The following FSTL4 variants were observed in gnomAD, a reference collection of about 807,000 sequenced individuals.
The protein encoded by FSTL4 is follistatin like 4.
FSTL4 carries 28 observed loss-of-function variants against 78.2 expected under a neutral mutation model. That is an observed-to-expected ratio of 0.36 (90% CI 0.27 to 0.49). The LOEUF (loss-of-function observed/expected upper bound fraction) is 0.49, where lower values mean the gene tolerates loss of function less well. Ranked by LOEUF, FSTL4 falls within the 20% of genes least tolerant of loss-of-function variation. The pLI is 0.98. For missense variants in FSTL4, 922 were observed against 1,084.9 expected (o/e 0.85, Z 2.11); for synonymous variants, 422 against 440.5 (o/e 0.96, Z 0.53).
chr5:133,703,943 A>G, the FSTL4 span, among the ~76,000 whole-genome samples: 2 of 152,160 alleles, frequency 1.3e-5, no homozygotes, highest in Non-Finnish European at 2.9e-5. Flanking sequence ...TTGATTTTCC[A>G]TTGAGAGGCA....
At chr5:133,322,688 G>C (rs1177244359) in intron 4 of FSTL4, among the ~76,000 whole-genome samples, 2 of 152,206 alleles carry the variant, frequency 1.3e-5, no homozygotes, top group Non-Finnish European at 2.9e-5. Context: ...TATTAGCTGA[G>C]GTTGCTCTTG....
intron 3 of FSTL4, among the ~76,000 whole-genome samples, chr5:133,561,855 G>A (rs1161208399): frequency 6.6e-6 from 1 of 152,158 alleles, no homozygotes; most frequent in Non-Finnish European, 1.5e-5. Context: ...TACTTAAGCA[G>A]GACACATCGG....
At chr5:133,494,599 T>G (rs577448610) in intron 3 of FSTL4, among the ~76,000 whole-genome samples, 1 of 152,238 alleles carries the variant, frequency 6.6e-6, no homozygotes, top group African/African-American at 2.4e-5. Flanking sequence ...GTTCAACAAC[T>G]GCGTCTTTTG....
intron 3 of FSTL4, among the ~76,000 whole-genome samples, chr5:133,471,049 G>GGTCCT (rs1319253640): frequency 1.8e-3 from 274 of 151,250 alleles, no homozygotes; most frequent in African/African-American, 6.5e-3. Context: ...AAGGATATAT[G>GGTCCT]TCTTTAGGCT....
Position 133,567,262 on chromosome 5 carries a change from A to G in FSTL4, c.127-43T>C, listed in dbSNP as rs202020536. 4.6e-5 allele frequency: 63 copies of G among 1,365,778 alleles called. No homozygotes were observed. The East Asian group carries it at 1.1e-3, about 25-fold the overall frequency. 84.6% of individuals were successfully genotyped at this position (1,365,778 alleles called of 1,614,324 possible). ...CTTTGTGTTTTCTGAAGAATAATTC[A>G]TATGTACAGATACTTGCAAATATCT... On this transcript the variant is annotated intron_variant, in intron 2 of 15. Coordinates refer to ENST00000265342, the MANE Select transcript of FSTL4 (RefSeq NM_015082.2).
chr5:133,483,665 T>C (rs1026000376), intron 3 of FSTL4, among the ~76,000 whole-genome samples: 1 of 152,206 alleles, frequency 6.6e-6, no homozygotes, highest in African/African-American at 2.4e-5. Context: ...GAGCTTCTCA[T>C]GATAAGTCTT....
chr5:133,807,395 TC>T, the FSTL4 span, among the ~76,000 whole-genome samples: 1 of 152,222 alleles, frequency 6.6e-6, no homozygotes, highest in Non-Finnish European at 1.5e-5. Flanking sequence ...CTTAAAACAT[TC>T]TTTTATGACC....
intron 6 of FSTL4, among the ~76,000 whole-genome samples, chr5:133,308,609 A>G (rs1444750186): frequency 6.6e-6 from 1 of 152,222 alleles, no homozygotes; most frequent in Non-Finnish European, 1.5e-5. Flanking sequence ...TCCAAAGGAT[A>G]GTGGTGTGGT....
At chr5:133,472,267 G>C (rs1351233656) in intron 3 of FSTL4, among the ~76,000 whole-genome samples, 1 of 152,154 alleles carries the variant, frequency 6.6e-6, no homozygotes, top group Non-Finnish European at 1.5e-5. Flanking sequence ...CAGAATGAAA[G>C]CATTTTCAAA....
At chr5:133,706,783 T>C in the FSTL4 span, among the ~76,000 whole-genome samples, 1 of 152,146 alleles carries the variant, frequency 6.6e-6, no homozygotes, top group African/African-American at 2.4e-5. Flanking sequence ...CCTCCTGCTA[T>C]ACCAGAGCCC....
chr5:133,766,204 G>A, the FSTL4 span, among the ~76,000 whole-genome samples: 1 of 152,106 alleles, frequency 6.6e-6, no homozygotes, highest in Non-Finnish European at 1.5e-5. Context: ...TACTGCCTAA[G>A]AATGGTTTTT....
chr5:133,744,306 G>A, the FSTL4 span, among the ~76,000 whole-genome samples: 18 of 152,160 alleles, frequency 1.2e-4, no homozygotes, highest in African/African-American at 3.6e-4. Context: ...GAATCCACTC[G>A]TTCCTCTAAG....
In FSTL4 at chr5:133,290,246, C is replaced by T. The variant is rs547693784; in HGVS notation, c.727+22408G>A. ...TTATGTACCCATGATGAGCAGGAGA[C>T]AGGTGAGACTGTTTGCTGCTCTAAG... On this transcript the variant is annotated intron_variant, in intron 6 of 15. Transcript: ENST00000265342. Among the ~76,000 whole-genome samples the T allele has an allele frequency of 3.3e-5, 5 of 152,328 alleles. No homozygotes were observed. In the South Asian group the frequency reaches 1.0e-3, roughly 32 times the overall value.
chr5:133,315,353 C>T (rs1753879160), intron 5 of FSTL4, among the ~76,000 whole-genome samples: 2 of 152,180 alleles, frequency 1.3e-5, no homozygotes, highest in Admixed American at 1.3e-4. Context: ...ACTCTAAAGT[C>T]TGCATTCTTT....
At chr5:133,651,891 C>T in the FSTL4 span, among the ~76,000 whole-genome samples, 1 of 152,072 alleles carries the variant, frequency 6.6e-6, no homozygotes, top group African/African-American at 2.4e-5. Flanking sequence ...TGATAGAATT[C>T]ACCTGTCATC....
the FSTL4 span, among the ~76,000 whole-genome samples, chr5:133,786,985 T>C: frequency 6.6e-6 from 1 of 152,040 alleles, no homozygotes; most frequent in Admixed American, 6.6e-5. Flanking sequence ...ATTAGAGAGA[T>C]GAGATTCAAA....
intron 3 of FSTL4, among the ~76,000 whole-genome samples, chr5:133,563,061 T>C (rs1759954032): frequency 6.6e-6 from 1 of 152,064 alleles, no homozygotes; most frequent in South Asian, 2.1e-4. Flanking sequence ...CACAGAGAGA[T>C]GCAGCCATCA....
the FSTL4 span, among the ~76,000 whole-genome samples, chr5:133,840,816 C>CAGGGGGACCCCCCTGCAGAG: frequency 2.0e-5 from 3 of 152,242 alleles, no homozygotes; most frequent in Non-Finnish European, 4.4e-5. Context: ...AATCTTTCTG[C>CAGGGGGACCCCCCTGCAGAG]AGGGGGACCC....
chr5:133,243,878 G>A (rs1751955497), intron 7 of FSTL4: 1 of 152,280 alleles, frequency 6.6e-6, no homozygotes, highest in South Asian at 2.1e-4. Context: ...AGGACAGTGA[G>A]GAAGACAGTT....
Sources: allele counts gnomAD v4.1 joint callset (sites outside exome capture counted in the v4.1 genomes callset), GRCh38; gene constraint gnomAD v4.1.1; transcripts MANE v1.5; gene names NCBI Gene and HGNC (gene_info 2026-07-23, HGNC 2026-07-21).